ATG12: variants seen among roughly 807,000 people sequenced by gnomAD.
ATG12 encodes the protein ubiquitin-like protein ATG12.
ATG12 carries 19 observed loss-of-function variants against 17.6 expected under a neutral mutation model. That is an observed-to-expected ratio of 1.08 (90% CI 0.75 to 1.58). ATG12 has a LOEUF of 1.58. Among genes scored for constraint, ATG12 ranks in the 40% most tolerant of loss-of-function variants. ATG12 has a pLI of 0.00. For synonymous variants in ATG12, 75 were observed against 62.4 expected (o/e 1.20, Z -0.95); for missense variants, 214 against 162.0 (o/e 1.32, Z -1.74).
rs1257973626 is a variant in ATG12, at chr5:115,829,570, A to G, written c.*2234T>C. 1 of 152,236 alleles carries G rather than the reference A, an allele frequency of 6.6e-6. No individual in the cohort carries two copies. The highest frequency in any genetic ancestry group is 1.5e-5 in the Non-Finnish European group (1 of 68,038). The allele number at this position is 152,236 out of a possible 1,614,324, so 9.4% of individuals were successfully genotyped here. ...TGCCATGGGTCATCTATGCACAGTA[A>G]GATGAAGCATGATATTAATGACATC... is the stretch of plus-strand genomic sequence containing the variant. On this transcript the variant is annotated 3_prime_UTR_variant, in exon 4 of 4. Coordinates refer to ENST00000509910, the MANE Select transcript of ATG12 (RefSeq NM_004707.4).
chr5:115,832,599 T>C lies in ATG12; in HGVS notation c.363+3A>G, dbSNP rs753409628. Reference sequence around the variant, plus strand: ...TTTTTTTTTTTTTTTTTTTTTTTTTTACCTCATAGAGAGTTCCAACTTCTT... The same window carrying C: ...TTTTTTTTTTTTTTTTTTTTTTTTTCACCTCATAGAGAGTTCCAACTTCTT... On this transcript the variant is annotated splice_donor_region_variant and intron_variant, in intron 3 of 3. Coordinates refer to ENST00000509910, the MANE Select transcript of ATG12 (RefSeq NM_004707.4). 3 of 952,584 alleles carry C rather than the reference T, an allele frequency of 3.1e-6. No homozygotes were observed. Among genetic ancestry groups the C allele is most frequent in the Non-Finnish European group, 4.5e-6 (3 of 670,428 alleles). The allele number at this position is 952,584 out of a possible 1,614,324, so 59.0% of individuals were successfully genotyped here. A position where few individuals can be genotyped will look rare whatever the true frequency, so the allele number is the denominator to read the frequency against.
intron 2 of ATG12, among the ~76,000 whole-genome samples, chr5:115,834,623 G>A (rs1761015813): frequency 6.6e-6 from 1 of 152,130 alleles, no homozygotes; most frequent in South Asian, 2.1e-4. Flanking sequence ...TCTCTGTCTA[G>A]TGGATTCCTC....
chr5:115,840,767 T>G (rs1468482894), intron 1 of ATG12: 17 of 1,179,136 alleles, frequency 1.4e-5, no homozygotes, highest in Non-Finnish European at 1.8e-5. Flanking sequence ...GGAAACATTC[T>G]CAAGCAATAA....
intron 3 of ATG12, among the ~76,000 whole-genome samples, 185 bp downstream of exon 3, chr5:115,832,417 A>G (rs1268924011): frequency 6.6e-6 from 1 of 152,026 alleles, no homozygotes; most frequent in Admixed American, 6.5e-5. Context: ...TCAAGATGTT[A>G]GATAACAGAA....
chr5:115,834,342 T>G (rs1003441421), intron 2 of ATG12: 4 of 152,252 alleles, frequency 2.6e-5, no homozygotes, highest in African/African-American at 9.6e-5. Context: ...TTGCATACTA[T>G]AAAGCTCTAT....
chr5:115,841,507 C>T lies in ATG12; in HGVS notation c.46G>A (p.Ala16Thr). 7 of 1,612,394 alleles carry T rather than the reference C, an allele frequency of 4.3e-6. No individual in the cohort carries two copies. The highest frequency in any genetic ancestry group is 5.9e-6 in the Non-Finnish European group (7 of 1,179,416). ...QSVLQLPTSI[A>T]AGGEGLTDVS... ...TCCGTAAGTCCTTCCCCTCCAGCAG[C>T]AATTGAAGTAGGAAGCTGCAACACA... Residue 16 changes from alanine (A) to threonine (T), a missense_variant, in exon 1 of 4, where the codon GCT becomes ACT. By Grantham distance (58) the Ala-to-Thr change is moderately conservative. Transcript: ENST00000509910.
intron 3 of ATG12, 66 bp downstream of exon 3, chr5:115,832,536 A>T (rs1760917596): frequency 7.0e-7 from 1 of 1,436,642 alleles, no homozygotes; most frequent in African/African-American, 1.5e-5. Context: ...ACAGATGTGC[A>T]TACTCGATTA....
chr5:115,836,110 A>T (rs1761087813), intron 2 of ATG12, among the ~76,000 whole-genome samples: 1 of 152,142 alleles, frequency 6.6e-6, no homozygotes, highest in Non-Finnish European at 1.5e-5. Flanking sequence ...AATAATTCTT[A>T]TGTTTCCTAT....
chr5:115,835,914 A>C lies in ATG12; in HGVS notation c.300+1714T>G, dbSNP rs191556443. ...TCACCTAGTTTTGTTACAAATACTAATCAGGGGTTTTTGGTTTTGCTATCT... is the reference window on the plus strand; with the variant it reads ...TCACCTAGTTTTGTTACAAATACTACTCAGGGGTTTTTGGTTTTGCTATCT... On this transcript the variant is annotated intron_variant, in intron 2 of 3. Transcript: ENST00000509910. 1.5e-3 allele frequency among the ~76,000 whole-genome samples: 232 copies of C among 152,188 alleles called. 3 individuals carry two copies. In the South Asian group the frequency reaches 0.02, roughly 13 times the overall value.
At chr5:115,837,220 CT>C (rs1761140939) in intron 2 of ATG12, among the ~76,000 whole-genome samples, 1 of 152,104 alleles carries the variant, frequency 6.6e-6, no homozygotes, top group African/African-American at 2.4e-5. Context: ...CCAGAGAATC[CT>C]TTGATAAAGT....
At chr5:115,838,451 T>C (rs1761194707) in intron 1 of ATG12, 1 of 152,228 alleles carries the variant, frequency 6.6e-6, no homozygotes, top group Non-Finnish European at 1.5e-5. Context: ...TATGTGGATA[T>C]TTAATCTCTC....
chr5:115,831,962 G>A (rs1760887669), intron 3 of ATG12, 99 bp from the exon 4 acceptor site: 9 of 1,092,838 alleles, frequency 8.2e-6, no homozygotes, highest in East Asian at 5.1e-5. Context: ...ATCCACACAC[G>A]TATATTAAGT....
chr5:115,835,496 G>A (rs2112723884), intron 2 of ATG12, among the ~76,000 whole-genome samples: 1 of 152,052 alleles, frequency 6.6e-6, no homozygotes, highest in East Asian at 1.9e-4. Flanking sequence ...ATTTTGATCT[G>A]GTCTTTCTCT....
At chr5:115,840,592 C>A in intron 1 of ATG12, 4 of 1,278,940 alleles carry the variant, frequency 3.1e-6, no homozygotes, top group Non-Finnish European at 4.1e-6. Flanking sequence ...GCCACCGCGC[C>A]CGGCCAGAGA....
At chr5:115,840,602 A>G (rs1302307520) in intron 1 of ATG12, 1 of 1,279,096 alleles carries the variant, frequency 7.8e-7, no homozygotes, top group South Asian at 1.3e-5. Context: ...CCGGCCAGAG[A>G]CCACTGTCAT....
chr5:115,831,583 C>CGATA lies in ATG12; in HGVS notation c.*220_*221insTATC. ...GTAACAAGTAGGAGCAATGGGTGTACTATCATGACCATCTTTTATGATGAC... is the reference window on the plus strand; with the variant it reads ...GTAACAAGTAGGAGCAATGGGTGTACGATATATCATGACCATCTTTTATGATGAC... On this transcript the variant is annotated 3_prime_UTR_variant, in exon 4 of 4. Coordinates refer to ENST00000509910, the MANE Select transcript of ATG12 (RefSeq NM_004707.4). The CGATA allele has an allele frequency of 1.7e-6, 1 of 591,754 alleles. No homozygotes were observed. The highest frequency in any genetic ancestry group is 3.1e-5 in the Admixed American group (1 of 31,836). The allele number at this position is 591,754 out of a possible 1,614,324, so 36.7% of individuals were successfully genotyped here.
chr5:115,831,262 G>C lies in ATG12; in HGVS notation c.*542C>G, dbSNP rs913082417. 6.5e-6 allele frequency: 1 copy of C among 153,774 alleles called. No homozygotes were observed. The highest frequency in any genetic ancestry group is 1.4e-5 in the Non-Finnish European group (1 of 69,318). 9.5% of individuals were successfully genotyped at this position (153,774 alleles called of 1,614,324 possible). A position where few individuals can be genotyped will look rare whatever the true frequency, so the allele number is the denominator to read the frequency against. ...CTGGCTAGATATTAGCTAAAAATTA[G>C]CAAAAACAGCCATTTCCCCTATTAT... On this transcript the variant is annotated 3_prime_UTR_variant, in exon 4 of 4. Coordinates refer to ENST00000509910, the MANE Select transcript of ATG12 (RefSeq NM_004707.4).
At chr5:115,835,209 A>G (rs1220194037) in intron 2 of ATG12, 1 of 151,918 alleles carries the variant, frequency 6.6e-6, no homozygotes, top group African/African-American at 2.4e-5. Flanking sequence ...CAAGGTTACA[A>G]TTTTCGACTT....
rs35310189 is a variant in ATG12 at position 115,832,571 on chromosome 5, CTTTTTTTTTTTTTTTT to C, written c.363+15_363+30del. 30 of 802,450 alleles carry C rather than the reference CTTTTTTTTTTTTTTTT, an allele frequency of 3.7e-5. No individual in the cohort carries two copies. Among genetic ancestry groups the C allele is most frequent in the Middle Eastern group, 5.4e-4 (1 of 1,852 alleles). The allele number at this position is 802,450 out of a possible 1,614,324, so 49.7% of individuals were successfully genotyped here. A position where few individuals can be genotyped will look rare whatever the true frequency, so the allele number is the denominator to read the frequency against. ...AAGAAAAAAAAGCAGTAATTTCTTT[CTTTTTTTTTTTTTTTT>C]TTTTTTTTTTTTACCTCATAGAGAG... On this transcript the variant is annotated intron_variant, in intron 3 of 3. Coordinates refer to ENST00000509910, the MANE Select transcript of ATG12 (RefSeq NM_004707.4).
Sources: allele counts gnomAD v4.1 joint callset (sites outside exome capture counted in the v4.1 genomes callset), GRCh38; gene constraint gnomAD v4.1.1; transcripts MANE v1.5; gene names NCBI Gene and HGNC (gene_info 2026-07-23, HGNC 2026-07-21).